IQCJ: variants seen among roughly 807,000 people sequenced by gnomAD.
The protein encoded by IQCJ is IQ domain-containing protein J.
In IQCJ, 9 loss-of-function variants were observed where a neutral mutation model predicts 11.0. The ratio of observed to expected loss-of-function variants is 0.82; its 90% CI spans 0.49 to 1.43. The LOEUF (loss-of-function observed/expected upper bound fraction) is 1.43. Ranked by LOEUF, IQCJ falls within the 40% of genes most tolerant of loss-of-function variation. The pLI is 0.00. For missense variants in IQCJ, 146 were observed against 133.2 expected (o/e 1.10, Z -0.47); for synonymous variants, 55 against 51.3 (o/e 1.07, Z -0.31).
chr3:159,196,029 T>G (rs915370289), intron 1 of IQCJ, among the ~76,000 whole-genome samples: 1 of 152,180 alleles, frequency 6.6e-6, no homozygotes, highest in Non-Finnish European at 1.5e-5. Flanking sequence ...TACCCTACAA[T>G]TAGCCCTGTG....
chr3:159,132,990 T>C (rs1205119444), intron 1 of IQCJ, among the ~76,000 whole-genome samples: 4 of 152,228 alleles, frequency 2.6e-5, no homozygotes, highest in Non-Finnish European at 5.9e-5. Context: ...CTGAGAACTA[T>C]AATATTTGGT....
intron 1 of IQCJ, among the ~76,000 whole-genome samples, chr3:159,154,616 C>A (rs1245678829): frequency 6.6e-6 from 1 of 152,108 alleles, no homozygotes; most frequent in Non-Finnish European, 1.5e-5. Flanking sequence ...TACCTCTGGT[C>A]TAGAGGTTTG....
intron 1 of IQCJ, among the ~76,000 whole-genome samples, chr3:159,212,897 C>A (rs890498676): frequency 4.6e-5 from 7 of 152,232 alleles, no homozygotes; most frequent in African/African-American, 1.7e-4. Context: ...ACTGGAGGAG[C>A]AACTTTTGTT....
intron 1 of IQCJ, chr3:159,069,870 T>TGG (rs1559972095): frequency 6.6e-4 from 242 of 368,404 alleles, no homozygotes; most frequent in African/African-American, 4.8e-3. Context: ...TGTGTGTGTG[T>TGG]GTGTGTGTGT....
intron 1 of IQCJ, among the ~76,000 whole-genome samples, chr3:159,117,993 A>G (rs1719127741): frequency 6.6e-6 from 1 of 152,200 alleles, no homozygotes; most frequent in Non-Finnish European, 1.5e-5. Context: ...TGAGGTGCAA[A>G]GTAGTTTAAA....
chr3:159,130,701 A>G (rs1719941359), intron 1 of IQCJ, among the ~76,000 whole-genome samples: 1 of 152,200 alleles, frequency 6.6e-6, no homozygotes, highest in Non-Finnish European at 1.5e-5. Context: ...TATGTCAGGA[A>G]GCACCAGGGT....
intron 1 of IQCJ, among the ~76,000 whole-genome samples, chr3:159,119,516 C>T (rs1719226034): frequency 6.6e-6 from 1 of 152,004 alleles, no homozygotes; most frequent in African/African-American, 2.4e-5. Flanking sequence ...CTTGCTTTTT[C>T]ATAGAACATT....
At chr3:159,209,765 G>C (rs1406150414) in intron 1 of IQCJ, among the ~76,000 whole-genome samples, 1 of 152,106 alleles carries the variant, frequency 6.6e-6, no homozygotes. Context: ...AGCCACCTCT[G>C]TTTCAAGTCC....
intron 1 of IQCJ, among the ~76,000 whole-genome samples, chr3:159,145,438 T>C (rs1159569099): frequency 1.3e-5 from 2 of 152,216 alleles, no homozygotes; most frequent in African/African-American, 4.8e-5. Context: ...TTTTATCACA[T>C]AGACAGCTAA....
intron 1 of IQCJ, among the ~76,000 whole-genome samples, chr3:159,199,487 C>A (rs999952049): frequency 6.6e-6 from 1 of 152,170 alleles, no homozygotes; most frequent in African/African-American, 2.4e-5. Flanking sequence ...TTTTAGACTT[C>A]TGAGCTCCAG....
intron 1 of IQCJ, among the ~76,000 whole-genome samples, chr3:159,132,640 C>T (rs1175280579): frequency 1.3e-5 from 2 of 152,168 alleles, no homozygotes; most frequent in African/African-American, 2.4e-5. Flanking sequence ...GATCACCAAT[C>T]GATTCCTCTT....
At chr3:159,196,973 C>T (rs951208063) in intron 1 of IQCJ, among the ~76,000 whole-genome samples, 7 of 151,978 alleles carry the variant, frequency 4.6e-5, no homozygotes, top group African/African-American at 1.7e-4. Flanking sequence ...TGTGTCCCAC[C>T]CACCCCCCAA....
chr3:159,232,483 G>GTC, intron 1 of IQCJ, among the ~76,000 whole-genome samples: 1 of 125,162 alleles, frequency 8.0e-6, no homozygotes, highest in East Asian at 2.5e-4. Flanking sequence ...TTGAGATGGA[G>GTC]TCTCCCTGTG....
chr3:159,221,402 G>C (rs932259137), intron 1 of IQCJ, among the ~76,000 whole-genome samples: 1 of 152,124 alleles, frequency 6.6e-6, no homozygotes, highest in East Asian at 1.9e-4. Context: ...GTTAAGTAAG[G>C]CTTTTCTGAA....
intron 1 of IQCJ, among the ~76,000 whole-genome samples, chr3:159,084,457 G>A (rs896849040): frequency 6.6e-6 from 1 of 152,060 alleles, no homozygotes; most frequent in Admixed American, 6.6e-5. Flanking sequence ...CCCAGCGAGT[G>A]AGAATAAAGC....
intron 1 of IQCJ, among the ~76,000 whole-genome samples, chr3:159,243,729 TA>T (rs1431577185): frequency 6.6e-6 from 1 of 152,210 alleles, no homozygotes; most frequent in African/African-American, 2.4e-5. Context: ...TGTACACTTA[TA>T]AGGTGCATTT....
intron 1 of IQCJ, among the ~76,000 whole-genome samples, chr3:159,200,627 G>A (rs1390256615): frequency 2.0e-5 from 3 of 152,180 alleles, no homozygotes; most frequent in Non-Finnish European, 4.4e-5. Flanking sequence ...TAAGTAATCT[G>A]ATTGTTTGGT....
chr3:159,220,947 A>T (rs1231582849), intron 1 of IQCJ, among the ~76,000 whole-genome samples: 1 of 152,114 alleles, frequency 6.6e-6, no homozygotes, highest in Non-Finnish European at 1.5e-5. Flanking sequence ...ATGCTGGGTT[A>T]TTTCAGAATT....
chr3:159,245,810 C>G (rs78239689), intron 1 of IQCJ, 33 bp from the exon 2 acceptor site: 34,254 of 1,511,352 alleles, frequency 0.023, 580 homozygotes, highest in Non-Finnish European at 0.024. Flanking sequence ...TAGCTGGTGA[C>G]AATTTGTAAG....
Sources: allele counts gnomAD v4.1 joint callset (sites outside exome capture counted in the v4.1 genomes callset), GRCh38; gene constraint gnomAD v4.1.1; transcripts MANE v1.5; gene names NCBI Gene and HGNC (gene_info 2026-07-23, HGNC 2026-07-21).